Variants in ZNF679 observed in about 807,000 individuals in gnomAD.
ZNF679 encodes the protein zinc finger protein 679.
A neutral mutation model predicts 13.4 loss-of-function variants in ZNF679; 10 were observed. The ratio of observed to expected loss-of-function variants is 0.75; its 90% CI spans 0.46 to 1.27. The LOEUF is 1.27. Ranked by LOEUF, ZNF679 falls within the 50% of genes most tolerant of loss-of-function variation. The pLI is 0.00. For synonymous variants in ZNF679, 179 were observed against 162.5 expected (o/e 1.10, Z -0.77); for missense variants, 525 against 477.8 (o/e 1.10, Z -0.92).
At chr7:64,253,297 G>A (rs745686454) in intron 2 of ZNF679, among the ~76,000 whole-genome samples, 18 of 152,048 alleles carry the variant, frequency 1.2e-4, no homozygotes, top group Non-Finnish European at 2.1e-4. Flanking sequence ...TCTCTGACTT[G>A]GAAATTAAAG....
At chr7:64,236,769 T>A (rs1584225189) in intron 1 of ZNF679, among the ~76,000 whole-genome samples, 8 of 111,424 alleles carry the variant, frequency 7.2e-5, no homozygotes, top group South Asian at 2.7e-4. Flanking sequence ...GCGACAAGAG[T>A]GAAACTCGAA....
At chr7:64,254,043 T>C (rs866861900) in intron 2 of ZNF679, among the ~76,000 whole-genome samples, 1 of 152,164 alleles carries the variant, frequency 6.6e-6, no homozygotes, top group Non-Finnish European at 1.5e-5. Context: ...TAAGTCATAA[T>C]GGGGAGAACG....
intron 2 of ZNF679, among the ~76,000 whole-genome samples, chr7:64,255,823 T>C (rs1361450191): frequency 6.6e-6 from 1 of 151,930 alleles, no homozygotes; most frequent in South Asian, 2.1e-4. Context: ...TGGCCAGGCT[T>C]GTCTTGAACT....
Position 64,253,227 on chromosome 7 carries a change from CTG to C in ZNF679, c.39+4075_39+4076del, listed in dbSNP as rs200098049. Among the ~76,000 whole-genome samples the C allele has an allele frequency of 4.3e-3, 658 of 152,180 alleles. 4 individuals carry two copies. Among genetic ancestry groups the C allele is most frequent in the African/African-American group, 0.015 (610 of 41,514 alleles). On this transcript the variant is annotated intron_variant, in intron 2 of 4. Transcript: ENST00000421025. ...AACATTTTTTCCCTTTGTATAAACA[CTG>C]TGTTTCAGTAATTTTTCTGAATTTA...
chr7:64,233,900 A>G (rs1210846772), intron 1 of ZNF679, among the ~76,000 whole-genome samples: 1 of 152,200 alleles, frequency 6.6e-6, no homozygotes, highest in Non-Finnish European at 1.5e-5. Flanking sequence ...AGAAACAAGA[A>G]CGAAGTAAGC....
intron 1 of ZNF679, among the ~76,000 whole-genome samples, chr7:64,236,979 G>GAAAA (rs1268834266): frequency 1.6e-5 from 1 of 64,318 alleles, no homozygotes; most frequent in Non-Finnish European, 3.3e-5. Flanking sequence ...GAAAGAAAAA[G>GAAAA]AAAGAAAGAA....
chr7:64,236,416 G>T (rs1001451230), intron 1 of ZNF679, among the ~76,000 whole-genome samples: 1 of 151,836 alleles, frequency 6.6e-6, no homozygotes, highest in Admixed American at 6.6e-5. Context: ...GGCACCAGAG[G>T]TGTGGTTTTG....
intron 4 of ZNF679, among the ~76,000 whole-genome samples, chr7:64,265,227 C>T (rs1260875196): frequency 6.6e-6 from 1 of 152,122 alleles, no homozygotes; most frequent in Non-Finnish European, 1.5e-5. Context: ...TTGGCATAGC[C>T]TGAAACCAAT....
rs145259548 is a variant in ZNF679, at chr7:64,231,423, T to C, written c.-91+2771T>C. Among the ~76,000 whole-genome samples, 567 of 152,320 alleles carry C rather than the reference T, an allele frequency of 3.7e-3. 8 individuals carry two copies. Among genetic ancestry groups the C allele is most frequent in the African/African-American group, 0.013 (548 of 41,570 alleles). On this transcript the variant is annotated intron_variant, in intron 1 of 4. Transcript: ENST00000421025. ...GATCTTGGCTCAGTGATATGAACAATTTCTTCTGTAGGCCGAGCCCAGGCA... is the reference window on the plus strand; with the variant it reads ...GATCTTGGCTCAGTGATATGAACAACTTCTTCTGTAGGCCGAGCCCAGGCA...
intron 1 of ZNF679, among the ~76,000 whole-genome samples, chr7:64,245,965 G>C (rs1219467671): frequency 6.6e-6 from 1 of 152,054 alleles, no homozygotes; most frequent in African/African-American, 2.4e-5. Context: ...AAGATCTCAC[G>C]ATTACACTCC....
intron 1 of ZNF679, among the ~76,000 whole-genome samples, chr7:64,245,749 G>A (rs1168344564): frequency 6.6e-6 from 1 of 152,184 alleles, no homozygotes. Context: ...GCTCATGCCT[G>A]TAATTCCAGT....
chr7:64,253,413 G>A (rs1787966605), intron 2 of ZNF679, among the ~76,000 whole-genome samples: 3 of 152,256 alleles, frequency 2.0e-5, no homozygotes, highest in South Asian at 4.2e-4. Flanking sequence ...AGATGTCCCA[G>A]CCTGCTCACA....
chr7:64,233,253 CAAA>C (rs71060564), intron 1 of ZNF679, among the ~76,000 whole-genome samples: 5 of 126,236 alleles, frequency 4.0e-5, no homozygotes, highest in African/African-American at 9.3e-5. Context: ...AACAAATAAA[CAAA>C]AAAAAAAAAA....
intron 1 of ZNF679, among the ~76,000 whole-genome samples, chr7:64,236,922 G>GAAGAA: frequency 1.2e-5 from 1 of 85,398 alleles, no homozygotes; most frequent in South Asian, 4.6e-4. Context: ...AAGAAAGAAA[G>GAAGAA]AAGAAAGAAA....
At chr7:64,256,208 C>G (rs1022737008) in intron 2 of ZNF679, among the ~76,000 whole-genome samples, 1 of 152,154 alleles carries the variant, frequency 6.6e-6, no homozygotes, top group African/African-American at 2.4e-5. Context: ...CTAAAAATGA[C>G]GGTCTCCTGC....
chr7:64,266,191 TA>T lies in ZNF679; in HGVS notation c.564del (p.Lys188AsnfsTer17). The part of the protein sequence containing the change: ...RHTGKKHFKC[K>X]KYGKSFCMVS... The stretch of plus-strand genomic sequence containing the variant: ...ATACTGGAAAGAAACATTTCAAATG[TA>T]AAAAATATGGCAAATCATTTTGCAT... On this transcript the variant is annotated frameshift_variant, in exon 5 of 5. Coordinates refer to ENST00000421025, the MANE Select transcript of ZNF679 (RefSeq NM_153363.3). LOFTEE classifies it low-confidence loss of function (END_TRUNC). The T allele has an allele frequency of 1.3e-6, 2 of 1,589,442 alleles. No individual in the cohort carries two copies. The highest frequency in any genetic ancestry group is 1.7e-6 in the Non-Finnish European group (2 of 1,166,178).
intron 2 of ZNF679, among the ~76,000 whole-genome samples, chr7:64,257,484 C>G (rs1457700869): frequency 2.0e-5 from 3 of 151,658 alleles, no homozygotes; most frequent in Admixed American, 6.5e-5. Flanking sequence ...ATGCTGTGCT[C>G]TTAATCCAAA....
intron 4 of ZNF679, among the ~76,000 whole-genome samples, chr7:64,265,421 A>G (rs1364529508): frequency 1.3e-5 from 2 of 152,146 alleles, no homozygotes; most frequent in East Asian, 3.8e-4. Flanking sequence ...TGTAACATTC[A>G]CCTTTGATCT....
In ZNF679 at chr7:64,234,458, G is replaced by T. The variant is rs925643979; in HGVS notation, c.-91+5806G>T. Among the ~76,000 whole-genome samples the T allele has an allele frequency of 4.6e-5, 7 of 152,132 alleles. No homozygotes were observed. In the South Asian group the frequency reaches 1.2e-3, roughly 27 times the overall value. ...GGAGGGAGCAAATTGAGTAAAATGTGGGGGGACATCTACTTACAGAGAGCG... is the reference window on the plus strand; with the variant it reads ...GGAGGGAGCAAATTGAGTAAAATGTTGGGGGACATCTACTTACAGAGAGCG... On this transcript the variant is annotated intron_variant, in intron 1 of 4. Coordinates refer to ENST00000421025, the MANE Select transcript of ZNF679 (RefSeq NM_153363.3).
Sources: allele counts gnomAD v4.1 joint callset (sites outside exome capture counted in the v4.1 genomes callset), GRCh38; gene constraint gnomAD v4.1.1; transcripts MANE v1.5; gene names NCBI Gene and HGNC (gene_info 2026-07-23, HGNC 2026-07-21).